The following PXDNL variants were observed in gnomAD, a reference collection of about 807,000 sequenced individuals.
PXDNL encodes probable oxidoreductase PXDNL.
A neutral mutation model predicts 150.8 loss-of-function variants in PXDNL; 145 were observed. That is an observed-to-expected ratio of 0.96 (90% CI 0.84 to 1.10). PXDNL has a LOEUF of 1.10. PXDNL is among the 50% of genes least tolerant of loss of function. PXDNL has a pLI of 0.00. For synonymous variants in PXDNL, 757 were observed against 725.7 expected, an observed-to-expected ratio of 1.04 and a Z score of -0.69; for missense variants, 2,087 against 1,873.9, an observed-to-expected ratio of 1.11 and a Z score of -2.10.
At chr8:51,636,439 A>G (rs1199919880) in intron 2 of PXDNL, among the ~76,000 whole-genome samples, 4 of 152,214 alleles carry the variant, frequency 2.6e-5, no homozygotes, top group African/African-American at 9.6e-5. Flanking sequence ...ATGTGTATCT[A>G]GAAAATCTCA....
At chr8:51,714,149 T>C (rs1816558681) in intron 1 of PXDNL, among the ~76,000 whole-genome samples, 1 of 152,376 alleles carries the variant, frequency 6.6e-6, no homozygotes, top group Non-Finnish European at 1.5e-5. Context: ...CTAATGATTA[T>C]AGCATACATT....
chr8:51,644,620 C>G (rs1009054613), intron 2 of PXDNL, among the ~76,000 whole-genome samples: 2 of 176 alleles, frequency 0.011, no homozygotes, highest in Non-Finnish European at 0.024. Context: ...CCACCGCGCC[C>G]AGCTATTTTT....
intron 4 of PXDNL, among the ~76,000 whole-genome samples, chr8:51,548,454 G>A (rs74777304): frequency 0.026 from 3,971 of 152,228 alleles, 95 homozygotes; most frequent in African/African-American, 0.06. Context: ...GTACCAGGTA[G>A]TCTATAAAGG....
chr8:51,536,916 A>G (rs1210627526), intron 4 of PXDNL, among the ~76,000 whole-genome samples: 1 of 152,200 alleles, frequency 6.6e-6, no homozygotes. Flanking sequence ...CCTGAACTCA[A>G]TGTTTATAAA....
At chr8:51,679,203 CTT>C (rs1404295383) in intron 1 of PXDNL, among the ~76,000 whole-genome samples, 1 of 152,186 alleles carries the variant, frequency 6.6e-6, no homozygotes, top group African/African-American at 2.4e-5. Context: ...AATGCATCCT[CTT>C]TATTTTGAAG....
At chr8:51,599,741 T>C (rs1010481060) in intron 2 of PXDNL, among the ~76,000 whole-genome samples, 7 of 146,540 alleles carry the variant, frequency 4.8e-5, no homozygotes, top group African/African-American at 7.5e-5. Context: ...TTATATCTTA[T>C]ATAAATGATA....
intron 2 of PXDNL, among the ~76,000 whole-genome samples, chr8:51,597,781 C>T (rs1813607388): frequency 6.6e-6 from 1 of 150,950 alleles, no homozygotes; most frequent in Non-Finnish European, 1.5e-5. Context: ...ATGGTGCGAT[C>T]ATAGCTCACC....
intron 5 of PXDNL, among the ~76,000 whole-genome samples, chr8:51,492,260 G>C (rs1336166593): frequency 6.6e-6 from 1 of 152,162 alleles, no homozygotes; most frequent in Non-Finnish European, 1.5e-5. Flanking sequence ...TTTTCAGAGA[G>C]AAATAGCATA....
At chr8:51,365,514 GC>G (rs753609946) in intron 19 of PXDNL, among the ~76,000 whole-genome samples, 38 of 152,186 alleles carry the variant, frequency 2.5e-4, no homozygotes, top group Non-Finnish European at 4.7e-4. Flanking sequence ...CAGGTAAGGA[GC>G]ATACTCCAAG....
intron 1 of PXDNL, among the ~76,000 whole-genome samples, chr8:51,779,110 G>A (rs908197885): frequency 6.6e-6 from 1 of 152,176 alleles, no homozygotes; most frequent in African/African-American, 2.4e-5. Context: ...AATGAAAAGG[G>A]GGTAGAGTAG....
intron 2 of PXDNL, among the ~76,000 whole-genome samples, chr8:51,596,655 C>A (rs891023666): frequency 1.3e-5 from 2 of 151,992 alleles, no homozygotes; most frequent in African/African-American, 2.4e-5. Context: ...TCTGATGATT[C>A]GTGATGATGA....
chr8:51,666,283 G>C (rs1006798844), intron 1 of PXDNL, among the ~76,000 whole-genome samples: 2 of 151,922 alleles, frequency 1.3e-5, no homozygotes, highest in African/African-American at 2.4e-5. Context: ...TCTTTTTCCA[G>C]ACCATGTTCT....
intron 17 of PXDNL, among the ~76,000 whole-genome samples, chr8:51,401,810 ATGG>A (rs1808255265): frequency 6.6e-6 from 1 of 152,206 alleles, no homozygotes; most frequent in South Asian, 2.1e-4. Flanking sequence ...GATTTGGGAA[ATGG>A]TCTTACATGA....
chr8:51,652,718 A>C (rs927586022), intron 2 of PXDNL, among the ~76,000 whole-genome samples: 2 of 152,216 alleles, frequency 1.3e-5, no homozygotes, highest in African/African-American at 4.8e-5. Context: ...ACCACAAAGC[A>C]TGAAAGAAAG....
At position 51,374,803 on chromosome 8, in the gene PXDNL, G is replaced by A. The variant is rs564243734; in HGVS notation, c.3558-72C>T. The A allele has an allele frequency of 1.9e-4, 289 of 1,504,924 alleles. 1 individual carries two copies. The South Asian group carries it at 2.7e-3, about 14-fold the overall frequency. The allele number at this position is 1,504,924 out of a possible 1,614,324, so 93.2% of individuals were successfully genotyped here. A position where few individuals can be genotyped will look rare whatever the true frequency, so the allele number is the denominator to read the frequency against. Reference sequence around the variant, plus strand: ...AATTGAAAATATTCCTTATGTGAATGACCACCAAGCATTATTTTATCCACA... The same window carrying A: ...AATTGAAAATATTCCTTATGTGAATAACCACCAAGCATTATTTTATCCACA... On this transcript the variant is annotated intron_variant, in intron 17 of 22. Coordinates refer to ENST00000356297, the MANE Select transcript of PXDNL (RefSeq NM_144651.5).
intron 4 of PXDNL, among the ~76,000 whole-genome samples, chr8:51,503,745 A>T (rs1241500334): frequency 2.0e-5 from 3 of 152,214 alleles, no homozygotes; most frequent in Non-Finnish European, 4.4e-5. Flanking sequence ...TGCCATTGTC[A>T]TGTCATGTTG....
At chr8:51,640,047 A>G in intron 2 of PXDNL, among the ~76,000 whole-genome samples, 1 of 152,234 alleles carries the variant, frequency 6.6e-6, no homozygotes, top group East Asian at 1.9e-4. Flanking sequence ...GGCTGGTTCA[A>G]TATATGCAAA....
intron 19 of PXDNL, among the ~76,000 whole-genome samples, chr8:51,357,411 C>T (rs1385203857): frequency 1.3e-5 from 2 of 152,156 alleles, no homozygotes; most frequent in African/African-American, 4.8e-5. Context: ...GAATGACTTC[C>T]AGTAAAATGC....
chr8:51,652,892 G>A (rs1467032290), intron 2 of PXDNL, among the ~76,000 whole-genome samples: 1 of 152,138 alleles, frequency 6.6e-6, no homozygotes, highest in East Asian at 1.9e-4. Context: ...TCAATAATTA[G>A]TGTTCATCAA....
Sources: allele counts gnomAD v4.1 joint callset (sites outside exome capture counted in the v4.1 genomes callset), GRCh38; gene constraint gnomAD v4.1.1; transcripts MANE v1.5; gene names NCBI Gene and HGNC (gene_info 2026-07-23, HGNC 2026-07-21).